Variants in TAS2R1 observed in about 807,000 individuals in gnomAD.
TAS2R1 encodes taste receptor type 2 member 1.
For synonymous variants in TAS2R1, 141 were observed against 134.2 expected (o/e 1.05, Z -0.35); for missense variants, 370 against 353.4 (o/e 1.05, Z -0.38).
chr5:9,770,636 T>C, the TAS2R1 span, among the ~76,000 whole-genome samples: 231 of 152,310 alleles, frequency 1.5e-3, no homozygotes, highest in African/African-American at 5.2e-3. Context: ...CATTAATTCC[T>C]AGGTATTTAA....
chr5:9,753,847 C>T, the TAS2R1 span, among the ~76,000 whole-genome samples: 4 of 152,108 alleles, frequency 2.6e-5, no homozygotes, highest in Non-Finnish European at 5.9e-5. Context: ...TGTCAAAGAT[C>T]AGATGGTTGT....
the TAS2R1 span, among the ~76,000 whole-genome samples, chr5:9,728,173 T>TG: frequency 6.6e-6 from 1 of 151,956 alleles, no homozygotes; most frequent in East Asian, 1.9e-4. Context: ...CCCAATAGAA[T>TG]GGGGTCTCAA....
the TAS2R1 span, among the ~76,000 whole-genome samples, chr5:9,845,617 C>T: frequency 5.3e-5 from 8 of 152,018 alleles, no homozygotes; most frequent in Non-Finnish European, 1.0e-4. Context: ...AGAAATATGA[C>T]AGACAAGCTA....
At chr5:9,846,045 G>A in the TAS2R1 span, among the ~76,000 whole-genome samples, 1 of 152,188 alleles carries the variant, frequency 6.6e-6, no homozygotes, top group African/African-American at 2.4e-5. Flanking sequence ...CTACAAGGAA[G>A]GAGATAGAAA....
At chr5:9,677,269 G>A (rs1740895426) in intron 1 of TAS2R1, among the ~76,000 whole-genome samples, 1 of 152,088 alleles carries the variant, frequency 6.6e-6, no homozygotes, top group South Asian at 2.1e-4. Flanking sequence ...GTGAAGGGTG[G>A]GAGGAGGGAG....
At chr5:9,834,661 C>T in the TAS2R1 span, among the ~76,000 whole-genome samples, 7 of 152,038 alleles carry the variant, frequency 4.6e-5, no homozygotes, top group African/African-American at 1.7e-4. Flanking sequence ...CAATAGCTCC[C>T]TCCCCTGCAT....
the TAS2R1 span, among the ~76,000 whole-genome samples, chr5:9,857,936 G>A: frequency 2.6e-5 from 4 of 152,122 alleles, no homozygotes; most frequent in East Asian, 1.9e-4. Flanking sequence ...GCAGACCCTG[G>A]TGCCTGGGTC....
At chr5:9,734,259 T>C in the TAS2R1 span, among the ~76,000 whole-genome samples, 20 of 152,310 alleles carry the variant, frequency 1.3e-4, no homozygotes, top group South Asian at 3.7e-3. Flanking sequence ...CTGTGAGAAA[T>C]AGATGTCTGT....
chr5:9,683,583 A>C (rs1035376456), intron 1 of TAS2R1, among the ~76,000 whole-genome samples: 1 of 152,340 alleles, frequency 6.6e-6, no homozygotes, highest in African/African-American at 2.4e-5. Flanking sequence ...GATGGGAAAC[A>C]CTTAGCATGC....
chr5:9,710,937 T>TA (rs1741721686), intron 1 of TAS2R1, among the ~76,000 whole-genome samples: 1 of 145,038 alleles, frequency 6.9e-6, no homozygotes, highest in Non-Finnish European at 1.5e-5. Context: ...ATATATAATA[T>TA]ATTATATATA....
the TAS2R1 span, among the ~76,000 whole-genome samples, chr5:9,819,680 C>T: frequency 1.3e-5 from 2 of 152,244 alleles, no homozygotes; most frequent in African/African-American, 2.4e-5. Flanking sequence ...CGGATGGGTG[C>T]GGCATGCTGA....
At chr5:9,899,011 C>T in the TAS2R1 span, among the ~76,000 whole-genome samples, 51 of 152,254 alleles carry the variant, frequency 3.3e-4, no homozygotes, top group Middle Eastern at 0.031. Context: ...AAATGCTAAC[C>T]GTGCCTACCA....
the TAS2R1 span, among the ~76,000 whole-genome samples, chr5:9,840,861 T>TTTATTTATTTA: frequency 2.8e-4 from 1 of 3,596 alleles, no homozygotes; most frequent in Non-Finnish European, 5.7e-4. Flanking sequence ...TTATTTATTT[T>TTTATTTATTTA]TTTTTTTTTT....
At chr5:9,898,417 G>T in the TAS2R1 span, among the ~76,000 whole-genome samples, 2 of 152,190 alleles carry the variant, frequency 1.3e-5, no homozygotes, top group African/African-American at 4.8e-5. Context: ...GGTAGAAGCC[G>T]TGTGTACGTG....
the TAS2R1 span, among the ~76,000 whole-genome samples, chr5:9,844,034 A>T: frequency 1.3e-5 from 2 of 152,196 alleles, no homozygotes; most frequent in East Asian, 3.8e-4. Flanking sequence ...TTCTTGCTCT[A>T]GTATATTAAG....
At chr5:9,716,038 CT>C (rs1416450775), upstream of TAS2R1, among the ~76,000 whole-genome samples, 2 of 152,314 alleles carry the variant, frequency 1.3e-5, no homozygotes, top group East Asian at 3.9e-4. Flanking sequence ...GGAGAGAGGA[CT>C]CTCTAGCTCC....
intron 1 of TAS2R1, among the ~76,000 whole-genome samples, chr5:9,671,350 C>T (rs2126503010): frequency 6.6e-6 from 1 of 152,248 alleles, no homozygotes; most frequent in African/African-American, 2.4e-5. Flanking sequence ...GGAAGTCAAA[C>T]TATCTCTGTT....
chr5:9,665,170 C>A (rs1466019400), intron 1 of TAS2R1, among the ~76,000 whole-genome samples: 2 of 152,142 alleles, frequency 1.3e-5, no homozygotes, highest in Non-Finnish European at 2.9e-5. Context: ...AACTGAGGTC[C>A]CATTCTTTGA....
chr5:9,722,085 G>A, the TAS2R1 span, among the ~76,000 whole-genome samples: 1 of 152,130 alleles, frequency 6.6e-6, no homozygotes, highest in Admixed American at 6.5e-5. Flanking sequence ...GATGGAGCAA[G>A]CTGCCATTTT....
Sources: allele counts gnomAD v4.1 joint callset (sites outside exome capture counted in the v4.1 genomes callset), GRCh38; gene constraint gnomAD v4.1.1; transcripts MANE v1.5; gene names NCBI Gene and HGNC (gene_info 2026-07-23, HGNC 2026-07-21).